Variants in SEPTIN9 observed in about 807,000 individuals in gnomAD.
SEPTIN9 encodes septin-9.
Under a neutral mutation model 56.6 loss-of-function variants are expected in SEPTIN9, and 13 were observed. The ratio of observed to expected loss-of-function variants is 0.23; its 90% CI spans 0.15 to 0.37. SEPTIN9 has a LOEUF of 0.37. Ranked by LOEUF, SEPTIN9 falls within the 10% of genes least tolerant of loss-of-function variation. The pLI, the probability that SEPTIN9 is intolerant of heterozygous loss-of-function variation, is 1.00. For missense variants in SEPTIN9, 650 were observed against 823.1 expected (o/e 0.79, Z 2.57); for synonymous variants, 332 against 334.1 (o/e 0.99, Z 0.07).
At chr17:77,478,790 G>A (rs1447340071) in intron 3 of SEPTIN9, among the ~76,000 whole-genome samples, 1 of 133,816 alleles carries the variant, frequency 7.5e-6, no homozygotes, top group Admixed American at 7.4e-5. Flanking sequence ...GGCAACAAGA[G>A]CAAAACTCTG....
rs369196634 is a variant in SEPTIN9, at chr17:77,488,823, C to T, written c.1221C>T (p.Arg407=). 131 of 1,613,760 alleles carry T rather than the reference C, an allele frequency of 8.1e-5. No homozygotes were observed. The African/African-American group carries it at 1.4e-3, about 17-fold the overall frequency. Residue 407 remains arginine, a synonymous_variant, in exon 7 of 12, where the codon CGC becomes CGT. Coordinates refer to ENST00000427177, the MANE Select transcript of SEPTIN9 (RefSeq NM_001113491.2). The stretch of plus-strand genomic sequence containing the variant: ...GCAAGAAGCGCATCCCGGACACCCG[C>T]GTCCACTGCTGCCTCTACTTCATCC... ...INRKKRIPDT[R]VHCCLYFIPA... is the part of the protein sequence containing the mutation.
chr17:77,310,007 C>T lies in SEPTIN9; in HGVS notation c.76+2810C>T, dbSNP rs1260011710. The stretch of plus-strand genomic sequence containing the variant: ...CTTTTTTTTTTTTTTGAGATAGAGT[C>T]TCGCTCTATCGCCCAGGCTGGAGTG... On this transcript the variant is annotated intron_variant, in intron 2 of 11. Transcript: ENST00000427177. The surrounding 1 kb of genome is among the most constrained non-coding windows in gnomAD (Gnocchi z 4.7). Among the ~76,000 whole-genome samples the T allele has an allele frequency of 6.6e-6, 1 of 150,752 alleles. No individual in the cohort carries two copies. Among genetic ancestry groups the T allele is most frequent in the African/African-American group, 2.4e-5 (1 of 40,882 alleles).
At chr17:77,343,029 C>CTATCTATT (rs2033786725) in intron 2 of SEPTIN9, among the ~76,000 whole-genome samples, 1 of 150,902 alleles carries the variant, frequency 6.6e-6, no homozygotes, top group African/African-American at 2.5e-5. Context: ...ATCTATCTAT[C>CTATCTATT]TATCTATCTA....
Position 77,451,562 on chromosome 17 carries a change from C to A in SEPTIN9, c.722-30582C>A. ...TGCTCCTTTGTTCTTCCCAGCCTTG[C>A]ACCACTGGCTCGGGGGCTCTCAGGT... On this transcript the variant is annotated intron_variant, in intron 3 of 11. Coordinates refer to ENST00000427177, the MANE Select transcript of SEPTIN9 (RefSeq NM_001113491.2). This position sits in a 1 kb window ranked among gnomAD's most constrained non-coding sequence, Gnocchi z 4.2. 2 of 985,182 alleles carry A rather than the reference C, an allele frequency of 2.0e-6. No homozygotes were observed. Among genetic ancestry groups the A allele is most frequent in the Non-Finnish European group, 2.4e-6 (2 of 829,656 alleles). The allele number at this position is 985,182 out of a possible 1,614,324, so 61.0% of individuals were successfully genotyped here.
At chr17:77,290,869 TTTA>T (rs943493801) in intron 1 of SEPTIN9, among the ~76,000 whole-genome samples, 14 of 149,854 alleles carry the variant, frequency 9.3e-5, no homozygotes, top group African/African-American at 3.2e-4. Flanking sequence ...ACTTGCATTA[TTTA>T]TTATTATTAT....
chr17:77,382,151 C>T (rs985385759), intron 2 of SEPTIN9, among the ~76,000 whole-genome samples: 5 of 152,224 alleles, frequency 3.3e-5, no homozygotes, highest in African/African-American at 1.2e-4. Context: ...CCTCAGCCTC[C>T]TGAGTAGCTG....
chr17:77,320,868 G>GGCGTGTGTGTGC (rs1324081960), intron 2 of SEPTIN9, among the ~76,000 whole-genome samples: 2 of 152,252 alleles, frequency 1.3e-5, no homozygotes, highest in Non-Finnish European at 1.5e-5. Flanking sequence ...AGAGGAGCCT[G>GGCGTGTGTGTGC]GCGTGTGTGT....
intron 10 of SEPTIN9, chr17:77,496,183 C>G (rs957571120): frequency 1.3e-5 from 2 of 151,974 alleles, no homozygotes; most frequent in African/African-American, 4.8e-5. Context: ...CGCCTGGTAC[C>G]AGGCCTGGCT....
At chr17:77,285,982 G>A (rs946291236) in intron 1 of SEPTIN9, among the ~76,000 whole-genome samples, 6 of 152,224 alleles carry the variant, frequency 3.9e-5, no homozygotes, top group African/African-American at 1.4e-4. Context: ...CGTGGGAAGG[G>A]CACAAGCACA....
intron 3 of SEPTIN9, among the ~76,000 whole-genome samples, chr17:77,432,676 T>C (rs1306626627): frequency 6.6e-6 from 1 of 152,214 alleles, no homozygotes; most frequent in Non-Finnish European, 1.5e-5. Context: ...GCGGGGGGTG[T>C]GTGAGGCCCT....
chr17:77,444,504 A>G (rs1312992558), intron 3 of SEPTIN9, among the ~76,000 whole-genome samples: 1 of 151,944 alleles, frequency 6.6e-6, no homozygotes, highest in Non-Finnish European at 1.5e-5. Flanking sequence ...TGGGAGCTTG[A>G]GTCTCTGAAA....
At position 77,460,652 on chromosome 17, in the gene SEPTIN9, G is replaced by C. The variant is rs1401285487; in HGVS notation, c.722-21492G>C. 2.0e-5 allele frequency among the ~76,000 whole-genome samples: 3 copies of C among 152,164 alleles called. No individual in the cohort carries two copies. The South Asian group carries it at 6.2e-4, about 31-fold the overall frequency. The stretch of plus-strand genomic sequence containing the variant: ...CGGGGGCCACCCCCAGCAGCTGGGG[G>C]CTCCTGTGGTCATTTCCTCTTGGTC... On this transcript the variant is annotated intron_variant, in intron 3 of 11. Coordinates refer to ENST00000427177, the MANE Select transcript of SEPTIN9 (RefSeq NM_001113491.2).
intron 2 of SEPTIN9, among the ~76,000 whole-genome samples, chr17:77,392,754 G>A (rs1427964396): frequency 6.6e-6 from 1 of 152,046 alleles, no homozygotes; most frequent in African/African-American, 2.4e-5. Context: ...AGGAGGGAGC[G>A]CCTCCTCCGC....
chr17:77,449,711 T>C lies in SEPTIN9; in HGVS notation c.722-32433T>C, dbSNP rs1243950468. 6.6e-6 allele frequency among the ~76,000 whole-genome samples: 1 copy of C among 152,118 alleles called. No homozygotes were observed. The highest frequency in any genetic ancestry group is 1.5e-5 in the Non-Finnish European group (1 of 68,014). On this transcript the variant is annotated intron_variant, in intron 3 of 11. Transcript: ENST00000427177. The surrounding 1 kb of genome is among the most constrained non-coding windows in gnomAD (Gnocchi z 4.6). ...GGAGCTGCCCTTTAGGGGCCAGTGA[T>C]GAGGGTGCCCTGGGCTGGGCTGCAG...
chr17:77,490,555 C>T (rs1461632988), intron 7 of SEPTIN9, among the ~76,000 whole-genome samples, 187 bp from the exon 8 acceptor site: 1 of 152,210 alleles, frequency 6.6e-6, no homozygotes, highest in Non-Finnish European at 1.5e-5. Context: ...GTCTGGGACA[C>T]ACCCGTGTCC....
chr17:77,335,256 A>G (rs1046265916), intron 2 of SEPTIN9, among the ~76,000 whole-genome samples: 43 of 130,834 alleles, frequency 3.3e-4, no homozygotes, highest in South Asian at 5.2e-4. Context: ...ATATATACAT[A>G]TAGGCCCCGT....
intron 2 of SEPTIN9, chr17:77,373,212 C>A: frequency 9.1e-7 from 1 of 1,094,476 alleles, no homozygotes; most frequent in South Asian, 4.4e-5. Flanking sequence ...CCTTGACAGG[C>A]GGGCGGAGCA....
chr17:77,304,727 TTCTGGTTCAC>T (rs1333326418), intron 1 of SEPTIN9, among the ~76,000 whole-genome samples: 2 of 152,128 alleles, frequency 1.3e-5, no homozygotes, highest in Non-Finnish European at 2.9e-5. Context: ...ATGGGCAGAG[TTCTGGTTCAC>T]TCTCAGCCCC....
Position 77,353,152 on chromosome 17 carries a change from C to T in SEPTIN9, c.76+45955C>T, listed in dbSNP as rs140387546. ...GGGTCTCACCCACAGAACGAACGGCCTCTCCAGGGTGTGCGCAGGTGGGTG... is the reference window on the plus strand; with the variant it reads ...GGGTCTCACCCACAGAACGAACGGCTTCTCCAGGGTGTGCGCAGGTGGGTG... On this transcript the variant is annotated intron_variant, in intron 2 of 11. Transcript: ENST00000427177. 1.2e-3 allele frequency among the ~76,000 whole-genome samples: 186 copies of T among 152,244 alleles called. 7 individuals are homozygous for T. In the East Asian group the frequency reaches 0.034, roughly 28 times the overall value.
Sources: gnomAD v4.1 joint callset for allele counts (sites outside exome capture counted in the v4.1 genomes callset) on GRCh38, gnomAD v4.1.1 for gene constraint, Gnocchi (gnomAD v3.1) non-coding constraint, MANE v1.5 for transcripts, NCBI Gene and HGNC (gene_info 2026-07-23, HGNC 2026-07-21) for gene names.